The following FSTL5 variants were observed in gnomAD, a reference collection of about 807,000 sequenced individuals.
FSTL5 encodes the protein follistatin like 5, also known as follistatin-related protein 5.
Under a neutral mutation model 89.1 loss-of-function variants are expected in FSTL5, and 62 were observed. The ratio of observed to expected loss-of-function variants is 0.70; its 90% CI spans 0.57 to 0.86. The LOEUF is 0.86. Ranked by LOEUF, FSTL5 falls within the 40% of genes least tolerant of loss-of-function variation. FSTL5 has a pLI of 0.00. For synonymous variants in FSTL5, 383 were observed against 346.2 expected (o/e 1.11, Z -1.18); for missense variants, 1,057 against 1,001.6 (o/e 1.06, Z -0.75).
intron 3 of FSTL5, among the ~76,000 whole-genome samples, chr4:161,994,423 G>A (rs1247391838): frequency 3.9e-5 from 6 of 152,146 alleles, no homozygotes; most frequent in Non-Finnish European, 8.8e-5. Context: ...GGGTCGAATG[G>A]CAGTTCTGCT....
intron 2 of FSTL5, among the ~76,000 whole-genome samples, chr4:162,055,604 C>T (rs936104176): frequency 3.3e-5 from 5 of 151,594 alleles, no homozygotes; most frequent in Non-Finnish European, 7.4e-5. Flanking sequence ...TCTTAATTCT[C>T]CTTAAATCCA....
intron 15 of FSTL5, among the ~76,000 whole-genome samples, chr4:161,442,333 A>G (rs1240030072): frequency 6.6e-6 from 1 of 152,028 alleles, no homozygotes; most frequent in Admixed American, 6.6e-5. Flanking sequence ...GATTAAGTAA[A>G]CCAGTGGCCC....
intron 3 of FSTL5, 44 bp from the exon 4 acceptor site, chr4:161,920,696 C>T (rs768363944): frequency 4.5e-6 from 7 of 1,543,818 alleles, no homozygotes; most frequent in Admixed American, 3.7e-5. Context: ...GTTCATTTGT[C>T]CAAATAATAT....
intron 8 of FSTL5, among the ~76,000 whole-genome samples, chr4:161,547,415 G>T (rs890375696): frequency 1.3e-5 from 2 of 151,866 alleles, no homozygotes; most frequent in African/African-American, 4.8e-5. Flanking sequence ...TTATTATGCA[G>T]CATAGATAAC....
chr4:162,045,480 CATAA>C (rs927445159), intron 2 of FSTL5, among the ~76,000 whole-genome samples: 1 of 151,940 alleles, frequency 6.6e-6, no homozygotes, highest in Non-Finnish European at 1.5e-5. Context: ...ACATGTACCC[CATAA>C]ATATATACAA....
In FSTL5 at chr4:161,507,721, A is replaced by G. The variant is rs935919007; in HGVS notation, c.1339+2677T>C. 3.3e-5 allele frequency among the ~76,000 whole-genome samples: 5 copies of G among 152,064 alleles called. No homozygotes were observed. The East Asian group carries it at 9.6e-4, about 29-fold the overall frequency. ...AGTTTATATATTGATGAGATTGGTA[A>G]GATAATACATATTAAATTCAGTTAA... is the stretch of plus-strand genomic sequence containing the variant. On this transcript the variant is annotated intron_variant, in intron 11 of 15. Transcript: ENST00000306100.
At chr4:161,432,635 G>A (rs1732416035) in intron 15 of FSTL5, among the ~76,000 whole-genome samples, 1 of 151,212 alleles carries the variant, frequency 6.6e-6, no homozygotes, top group Non-Finnish European at 1.5e-5. Flanking sequence ...AAAGATCAAT[G>A]AAATGACAAT....
chr4:161,932,460 T>C (rs911936141), intron 3 of FSTL5, among the ~76,000 whole-genome samples: 5 of 151,880 alleles, frequency 3.3e-5, no homozygotes, highest in South Asian at 4.1e-4. Flanking sequence ...CATAAGTTAA[T>C]GGTCTTAAAA....
At chr4:161,693,826 G>A (rs1356220562) in intron 6 of FSTL5, among the ~76,000 whole-genome samples, 1 of 151,688 alleles carries the variant, frequency 6.6e-6, no homozygotes, top group East Asian at 1.9e-4. Flanking sequence ...TTTTAGTAGA[G>A]ACGGGTTTTC....
intron 13 of FSTL5, among the ~76,000 whole-genome samples, chr4:161,464,024 G>C (rs1201921503): frequency 2.0e-5 from 3 of 151,944 alleles, no homozygotes; most frequent in East Asian, 1.9e-4. Flanking sequence ...CATCAGGCAA[G>C]TCATGACAGT....
At chr4:161,932,232 T>C (rs1241443333) in intron 3 of FSTL5, among the ~76,000 whole-genome samples, 2 of 152,034 alleles carry the variant, frequency 1.3e-5, no homozygotes, top group African/African-American at 4.8e-5. Flanking sequence ...GTCCAACATA[T>C]TCTTTTCAAC....
chr4:161,535,156 GT>G (rs1326065101), intron 10 of FSTL5, among the ~76,000 whole-genome samples: 1 of 152,062 alleles, frequency 6.6e-6, no homozygotes, highest in African/African-American at 2.4e-5. Flanking sequence ...CTCAACATTG[GT>G]TTTGGCAGAG....
intron 2 of FSTL5, among the ~76,000 whole-genome samples, chr4:162,038,218 T>C (rs1048759290): frequency 1.6e-4 from 25 of 151,900 alleles, no homozygotes; most frequent in African/African-American, 6.0e-4. Context: ...CAAAGCTAAA[T>C]AATAGCAAAC....
intron 6 of FSTL5, among the ~76,000 whole-genome samples, chr4:161,714,269 T>C (rs1738902057): frequency 6.6e-6 from 1 of 152,214 alleles, no homozygotes; most frequent in Non-Finnish European, 1.5e-5. Context: ...ACAAGGAGAA[T>C]GTAAATCAAA....
intron 4 of FSTL5, among the ~76,000 whole-genome samples, chr4:161,808,447 T>C (rs1730037951): frequency 6.6e-6 from 1 of 152,094 alleles, no homozygotes; most frequent in Non-Finnish European, 1.5e-5. Context: ...TGTCCATTAA[T>C]GGATTAATAA....
intron 2 of FSTL5, among the ~76,000 whole-genome samples, chr4:162,091,870 G>A (rs1210813829): frequency 6.8e-6 from 1 of 147,814 alleles, no homozygotes; most frequent in Non-Finnish European, 1.5e-5. Flanking sequence ...TTTATATAGG[G>A]AGAGAAATTA....
intron 6 of FSTL5, among the ~76,000 whole-genome samples, chr4:161,706,837 G>A (rs1738601417): frequency 6.6e-6 from 1 of 151,966 alleles, no homozygotes; most frequent in Non-Finnish European, 1.5e-5. Context: ...GAGTAATCCA[G>A]TTCTAGATTC....
chr4:161,535,987 C>T (rs1277190017), intron 10 of FSTL5, among the ~76,000 whole-genome samples: 8 of 151,962 alleles, frequency 5.3e-5, no homozygotes, highest in East Asian at 1.9e-4. Flanking sequence ...AATGCAAGAA[C>T]AGAAAACCAA....
chr4:161,910,109 T>C (rs2110825719), intron 4 of FSTL5, among the ~76,000 whole-genome samples: 1 of 152,264 alleles, frequency 6.6e-6, no homozygotes, highest in East Asian at 1.9e-4. Context: ...ATACTTGATT[T>C]CAGCAGCGAT....
Sources: allele counts gnomAD v4.1 joint callset (sites outside exome capture counted in the v4.1 genomes callset), GRCh38; gene constraint gnomAD v4.1.1; transcripts MANE v1.5; gene names NCBI Gene and HGNC (gene_info 2026-07-23, HGNC 2026-07-21).